The following CPNE8 variants were observed in gnomAD, a reference collection of about 807,000 sequenced individuals.
CPNE8 encodes copine-8.
CPNE8 carries 45 observed loss-of-function variants against 81.5 expected under a neutral mutation model. The observed-to-expected ratio is 0.55, with a 90% CI of 0.44 to 0.71. The LOEUF is 0.71. Among genes scored for constraint, CPNE8 ranks in the 30% least tolerant of loss-of-function variants. CPNE8 has a pLI of 0.00. For synonymous variants in CPNE8, 252 were observed against 226.3 expected (o/e 1.11, Z -1.02); for missense variants, 594 against 672.1 (o/e 0.88, Z 1.28).
chr12:38,765,797 C>T (rs1473268239), intron 8 of CPNE8, among the ~76,000 whole-genome samples: 6 of 151,704 alleles, frequency 4.0e-5, no homozygotes, highest in African/African-American at 1.2e-4. Context: ...AATTAGTTGA[C>T]ATTTTTGGAT....
rs116447180 is a variant in CPNE8, at chr12:38,768,223, A to G, written c.472-485T>C. 5.0e-3 allele frequency among the ~76,000 whole-genome samples: 755 copies of G among 152,092 alleles called. 5 individuals carry two copies. The highest frequency in any genetic ancestry group is 0.017 in the African/African-American group (705 of 41,506). On this transcript the variant is annotated intron_variant, in intron 7 of 19. Coordinates refer to ENST00000331366, the MANE Select transcript of CPNE8 (RefSeq NM_153634.3). ...ATTGACCACATAGTTTATAATCTGG[A>G]GACAGAAAAGTTCCTACTTTCTTAA...
chr12:38,800,669 C>A (rs1352503393), intron 6 of CPNE8, among the ~76,000 whole-genome samples: 1 of 14,094 alleles, frequency 7.1e-5, no homozygotes, highest in African/African-American at 1.2e-4. Context: ...ATGATTTTGA[C>A]GAGCTGAGAG....
chr12:38,683,149 T>C (rs1396393375), intron 16 of CPNE8, among the ~76,000 whole-genome samples: 2 of 152,142 alleles, frequency 1.3e-5, no homozygotes, highest in African/African-American at 4.8e-5. Context: ...GATACATAGA[T>C]ATGAATCCTA....
chr12:38,788,402 T>G (rs965761431), intron 6 of CPNE8, among the ~76,000 whole-genome samples: 1 of 151,846 alleles, frequency 6.6e-6, no homozygotes, highest in Non-Finnish European at 1.5e-5. Context: ...TTGATCAAAT[T>G]GAACATCTCT....
rs1340860776 is a variant in CPNE8, at chr12:38,902,264, GAAAGAA to G, written c.98+3167_98+3172del. On this transcript the variant is annotated intron_variant, in intron 1 of 19. Transcript: ENST00000331366. ...AAGAAAGAAAGAAAGAAAAAAGAAA[GAAAGAA>G]AAAGAAAAGAAAGAAGGAAGGAAGG... 4.4e-3 allele frequency among the ~76,000 whole-genome samples: 190 copies of G among 43,588 alleles called. 3 individuals carry two copies. The highest frequency in any genetic ancestry group is 9.3e-3 in the Non-Finnish European group (153 of 16,524). The allele number at this position is 43,588 out of a possible 152,430, so 28.6% of individuals were successfully genotyped here. A position where few individuals can be genotyped will look rare whatever the true frequency, so the allele number is the denominator to read the frequency against.
chr12:38,777,328 A>C lies in CPNE8; in HGVS notation c.408-1027T>G, dbSNP rs1278953631. ...GATTACTGAATAAGGATATAAAGAAAGGAAATATTTTTGTACAGCTGTGCA... is the reference window on the plus strand; with the variant it reads ...GATTACTGAATAAGGATATAAAGAACGGAAATATTTTTGTACAGCTGTGCA... On this transcript the variant is annotated intron_variant, in intron 6 of 19. Transcript: ENST00000331366. Among the ~76,000 whole-genome samples, 5 of 152,226 alleles carry C rather than the reference A, an allele frequency of 3.3e-5. No homozygotes were observed. In the East Asian group the frequency reaches 9.6e-4, roughly 29 times the overall value.
intron 1 of CPNE8, among the ~76,000 whole-genome samples, chr12:38,896,912 G>A (rs1944395916): frequency 6.6e-6 from 1 of 152,104 alleles, no homozygotes; most frequent in Non-Finnish European, 1.5e-5. Context: ...AAATGCTGAA[G>A]AACCTGGGAT....
intron 11 of CPNE8, among the ~76,000 whole-genome samples, chr12:38,725,871 T>A (rs1314843119): frequency 6.6e-6 from 1 of 152,116 alleles, no homozygotes; most frequent in Non-Finnish European, 1.5e-5. Context: ...GAGAATGATA[T>A]AATAGGTCTA....
chr12:38,695,656 G>A (rs188750173), intron 14 of CPNE8, among the ~76,000 whole-genome samples: 9 of 152,248 alleles, frequency 5.9e-5, no homozygotes, highest in East Asian at 5.8e-4. Context: ...AGACTAAATG[G>A]TTATTTAACA....
chr12:38,880,297 A>G (rs1592152388), intron 1 of CPNE8, among the ~76,000 whole-genome samples: 1 of 152,198 alleles, frequency 6.6e-6, no homozygotes, highest in South Asian at 2.1e-4. Flanking sequence ...ATAGCCTGCA[A>G]AGTCTTTACC....
intron 6 of CPNE8, among the ~76,000 whole-genome samples, chr12:38,796,619 G>T (rs988830588): frequency 6.6e-6 from 1 of 152,126 alleles, no homozygotes; most frequent in Non-Finnish European, 1.5e-5. Context: ...CGTGAGTGAC[G>T]CAGAAGACGG....
rs189109980 is a variant in CPNE8 at position 38,841,987 on chromosome 12, T to C, written c.291-2032A>G. The stretch of plus-strand genomic sequence containing the variant: ...ACTCATTATGACCTGTTTACCTACA[T>C]AAATGAATTTATTTTCATACTTTAA... On this transcript the variant is annotated intron_variant, in intron 4 of 19. Coordinates refer to ENST00000331366, the MANE Select transcript of CPNE8 (RefSeq NM_153634.3). 9.4e-3 allele frequency among the ~76,000 whole-genome samples: 1,413 copies of C among 149,976 alleles called. 19 individuals are homozygous for C. Among genetic ancestry groups the C allele is most frequent in the South Asian group, 0.039 (185 of 4,766 alleles).
intron 13 of CPNE8, among the ~76,000 whole-genome samples, chr12:38,704,826 G>GTATATATATGTATATATATATATA (rs58878926): frequency 2.0e-5 from 1 of 50,196 alleles, no homozygotes; most frequent in South Asian, 8.2e-4. Flanking sequence ...GTATGTATGT[G>GTATATATATGTATATATATATATA]TATATATATA....
intron 10 of CPNE8, among the ~76,000 whole-genome samples, chr12:38,732,511 T>C (rs1462100925): frequency 1.3e-5 from 2 of 151,964 alleles, no homozygotes; most frequent in Non-Finnish European, 2.9e-5. Context: ...TCTACGACAA[T>C]CTCTTTGGTC....
At chr12:38,733,680 C>A (rs184447426) in intron 10 of CPNE8, among the ~76,000 whole-genome samples, 1 of 151,966 alleles carries the variant, frequency 6.6e-6, no homozygotes. Context: ...TTTCCCCTAC[C>A]TTTTATTACA....
intron 4 of CPNE8, among the ~76,000 whole-genome samples, chr12:38,843,519 G>A (rs1318974949): frequency 6.6e-6 from 1 of 152,010 alleles, no homozygotes; most frequent in African/African-American, 2.4e-5. Context: ...TGCCTGCAAG[G>A]TATCTGGGAT....
At chr12:38,864,835 T>C (rs1457662060) in intron 3 of CPNE8, among the ~76,000 whole-genome samples, 1 of 152,232 alleles carries the variant, frequency 6.6e-6, no homozygotes, top group Non-Finnish European at 1.5e-5. Flanking sequence ...GGATATGTTA[T>C]GATTATAAAG....
intron 10 of CPNE8, among the ~76,000 whole-genome samples, chr12:38,738,507 A>G (rs1452200448): frequency 1.3e-5 from 2 of 152,172 alleles, no homozygotes; most frequent in Non-Finnish European, 2.9e-5. Flanking sequence ...TTTGTGCTGT[A>G]TAGATAAGGG....
At chr12:38,871,214 A>C (rs2137102117) in intron 3 of CPNE8, among the ~76,000 whole-genome samples, 1 of 152,344 alleles carries the variant, frequency 6.6e-6, no homozygotes, top group South Asian at 2.1e-4. Flanking sequence ...GTTTAGGTCC[A>C]AAATTTTTTG....
Sources: allele counts gnomAD v4.1 joint callset (sites outside exome capture counted in the v4.1 genomes callset), GRCh38; gene constraint gnomAD v4.1.1; transcripts MANE v1.5; gene names NCBI Gene and HGNC (gene_info 2026-07-23, HGNC 2026-07-21).